SCMH1: variants seen among roughly 807,000 people sequenced by gnomAD.
SCMH1 encodes the protein polycomb protein SCMH1.
A neutral mutation model predicts 70.8 loss-of-function variants in SCMH1; 37 were observed. That is an observed-to-expected ratio of 0.52 (90% CI 0.40 to 0.69). The LOEUF (loss-of-function observed/expected upper bound fraction) is 0.69. Among genes scored for constraint, SCMH1 ranks in the 30% least tolerant of loss-of-function variants. The pLI is 0.00. For synonymous variants in SCMH1, 292 were observed against 307.4 expected, an observed-to-expected ratio of 0.95 and a Z score of 0.52; for missense variants, 607 against 827.3, an observed-to-expected ratio of 0.73 and a Z score of 3.27.
At chr1:41,107,532 C>CT (rs766338204) in intron 8 of SCMH1, among the ~76,000 whole-genome samples, 16 of 149,406 alleles carry the variant, frequency 1.1e-4, no homozygotes, top group Non-Finnish European at 1.8e-4. Flanking sequence ...ATTTTTTTTT[C>CT]TTTCTTGAGA....
intron 1 of SCMH1, among the ~76,000 whole-genome samples, chr1:41,226,556 A>C (rs1407038749): frequency 6.6e-6 from 1 of 152,154 alleles, no homozygotes; most frequent in African/African-American, 2.4e-5. Flanking sequence ...GATTTTTAGA[A>C]AGACATTAAG....
chr1:41,066,475 C>T (rs2148846260), intron 10 of SCMH1, among the ~76,000 whole-genome samples: 1 of 152,292 alleles, frequency 6.6e-6, no homozygotes, highest in South Asian at 2.1e-4. Context: ...AGTGTTCTAT[C>T]TTAGATAATT....
chr1:41,186,608 G>T (rs964640984), intron 1 of SCMH1, among the ~76,000 whole-genome samples: 28 of 152,122 alleles, frequency 1.8e-4, no homozygotes, highest in African/African-American at 6.5e-4. Context: ...AAATTCATAC[G>T]TTAAAGCCCT....
chr1:41,076,325 T>C (rs1658274424), intron 8 of SCMH1, among the ~76,000 whole-genome samples: 1 of 152,206 alleles, frequency 6.6e-6, no homozygotes, highest in Non-Finnish European at 1.5e-5. Context: ...TAGACATCTA[T>C]GTTACAGTAC....
At chr1:41,071,656 T>C (rs1294003658) in intron 9 of SCMH1, among the ~76,000 whole-genome samples, 2 of 133,368 alleles carry the variant, frequency 1.5e-5, no homozygotes, top group African/African-American at 3.3e-5. Context: ...TTCTAAGAAA[T>C]AGTTTCCTAA....
At chr1:41,086,962 A>C (rs553104430) in intron 8 of SCMH1, among the ~76,000 whole-genome samples, 70 of 152,068 alleles carry the variant, frequency 4.6e-4, no homozygotes, top group African/African-American at 1.6e-3. Flanking sequence ...AGAATGTGAG[A>C]GCTGAGGGAA....
At chr1:41,159,303 T>C (rs185016023) in intron 4 of SCMH1, among the ~76,000 whole-genome samples, 109 of 152,362 alleles carry the variant, frequency 7.2e-4, no homozygotes, top group African/African-American at 2.4e-3. Context: ...CTATGTTAAA[T>C]TGAGTACCCA....
At chr1:41,084,148 C>T (rs1660868758) in intron 8 of SCMH1, among the ~76,000 whole-genome samples, 1 of 152,150 alleles carries the variant, frequency 6.6e-6, no homozygotes, top group African/African-American at 2.4e-5. Context: ...AACTAAAGAG[C>T]TTCTGCACAG....
At chr1:41,181,486 T>A (rs1648753505) in intron 2 of SCMH1, among the ~76,000 whole-genome samples, 1 of 151,920 alleles carries the variant, frequency 6.6e-6, no homozygotes, top group African/African-American at 2.4e-5. Context: ...AACAATGAAC[T>A]CAAACAAATT....
chr1:41,107,018 T>G (rs1668120216), intron 8 of SCMH1, among the ~76,000 whole-genome samples: 1 of 145,008 alleles, frequency 6.9e-6, no homozygotes, highest in Non-Finnish European at 1.5e-5. Flanking sequence ...TGACCATACT[T>G]TTTTTTTTTT....
chr1:41,136,800 C>T (rs1296880817), intron 6 of SCMH1, among the ~76,000 whole-genome samples: 1 of 116,944 alleles, frequency 8.6e-6, no homozygotes, highest in African/African-American at 3.3e-5. Flanking sequence ...TTTTTTGAGA[C>T]AGTATCTCAC....
Position 41,083,031 on chromosome 1 carries a change from C to A in SCMH1, c.746-7580G>T, listed in dbSNP as rs895017946. On this transcript the variant is annotated intron_variant, in intron 8 of 14. Transcript: ENST00000337495. ...ACAGCCAATATCATACTGAATGGGC[C>A]AACACTGGAAGCATTCCCTTTGAAA... is the stretch of plus-strand genomic sequence containing the variant. Among the ~76,000 whole-genome samples the A allele has an allele frequency of 2.4e-3, 367 of 152,176 alleles. 1 individual carries two copies. Among genetic ancestry groups the A allele is most frequent in the African/African-American group, 8.4e-3 (350 of 41,508 alleles).
At chr1:41,039,021 A>G (rs151183082) in intron 12 of SCMH1, among the ~76,000 whole-genome samples, 126 of 152,336 alleles carry the variant, frequency 8.3e-4, no homozygotes, top group African/African-American at 3.0e-3. Context: ...TGAATGTGAA[A>G]AATTGTTATT....
At chr1:41,135,363 CCAGTGGG>C (rs1350110551) in intron 6 of SCMH1, among the ~76,000 whole-genome samples, 1 of 152,024 alleles carries the variant, frequency 6.6e-6, no homozygotes, top group Non-Finnish European at 1.5e-5. Flanking sequence ...TGATAGGGAC[CCAGTGGG>C]AGGTAAGTGA....
chr1:41,178,545 C>T (rs1452960045), intron 2 of SCMH1, among the ~76,000 whole-genome samples: 1 of 152,120 alleles, frequency 6.6e-6, no homozygotes, highest in Non-Finnish European at 1.5e-5. Context: ...GGAAGATCTA[C>T]TGAGCAAATG....
At chr1:41,081,991 C>T (rs1024517927) in intron 8 of SCMH1, among the ~76,000 whole-genome samples, 10 of 152,092 alleles carry the variant, frequency 6.6e-5, no homozygotes, top group Admixed American at 1.3e-4. Context: ...TGTGGTGAGT[C>T]AAATAGGTAT....
chr1:41,081,022 C>CA (rs1383728126), intron 8 of SCMH1, among the ~76,000 whole-genome samples: 24 of 151,992 alleles, frequency 1.6e-4, no homozygotes, highest in African/African-American at 5.6e-4. Flanking sequence ...TACAAGTCTA[C>CA]AAAATCTATT....
At chr1:41,153,774 G>T (rs1645276093) in intron 4 of SCMH1, among the ~76,000 whole-genome samples, 1 of 152,118 alleles carries the variant, frequency 6.6e-6, no homozygotes. Context: ...CAGGTGAATT[G>T]CAAAATAAGA....
chr1:41,153,678 G>C (rs1645266276), intron 4 of SCMH1, among the ~76,000 whole-genome samples: 1 of 152,180 alleles, frequency 6.6e-6, no homozygotes, highest in Non-Finnish European at 1.5e-5. Flanking sequence ...CACCCACTGT[G>C]ATGGCTGACT....
Sources: allele counts gnomAD v4.1 joint callset (sites outside exome capture counted in the v4.1 genomes callset), GRCh38; gene constraint gnomAD v4.1.1; transcripts MANE v1.5; gene names NCBI Gene and HGNC (gene_info 2026-07-23, HGNC 2026-07-21).